The following PTPN4 variants were observed in gnomAD, a reference collection of about 807,000 sequenced individuals.
PTPN4 encodes the protein protein tyrosine phosphatase non-receptor type 4.
Under a neutral mutation model 135.5 loss-of-function variants are expected in PTPN4, and 49 were observed. That is an observed-to-expected ratio of 0.36 (90% CI 0.29 to 0.46). The LOEUF (loss-of-function observed/expected upper bound fraction) is 0.46. PTPN4 is among the 20% of genes least tolerant of loss of function. The pLI is 1.00. For synonymous variants in PTPN4, 333 were observed against 369.9 expected (o/e 0.90, Z 1.14); for missense variants, 860 against 1,101.0 (o/e 0.78, Z 3.10).
intron 2 of PTPN4, among the ~76,000 whole-genome samples, chr2:119,813,056 C>T (rs578110674): frequency 6.6e-6 from 1 of 152,268 alleles, no homozygotes; most frequent in South Asian, 2.1e-4. Flanking sequence ...TTCACACACA[C>T]ACACAAAAGG....
chr2:119,966,386 G>C (rs1304902532), intron 25 of PTPN4, among the ~76,000 whole-genome samples: 1 of 152,102 alleles, frequency 6.6e-6, no homozygotes, highest in African/African-American at 2.4e-5. Context: ...AGCCCCCGGA[G>C]TAGCTAGAGG....
chr2:119,936,679 A>G (rs888177304), intron 15 of PTPN4, among the ~76,000 whole-genome samples: 1 of 152,218 alleles, frequency 6.6e-6, no homozygotes, highest in Non-Finnish European at 1.5e-5. Flanking sequence ...TCTTCATAGC[A>G]GCATGAGAAT....
chr2:119,911,212 A>G (rs1678566579), intron 10 of PTPN4, among the ~76,000 whole-genome samples: 1 of 152,120 alleles, frequency 6.6e-6, no homozygotes, highest in Admixed American at 6.6e-5. Flanking sequence ...AAGGAAAGAA[A>G]ACTGCAGTTA....
intron 1 of PTPN4, among the ~76,000 whole-genome samples, chr2:119,775,886 G>C (rs1278342143): frequency 6.6e-6 from 1 of 151,978 alleles, no homozygotes; most frequent in African/African-American, 2.4e-5. Context: ...AAGGGTTTCA[G>C]GTATACATCT....
intron 24 of PTPN4, among the ~76,000 whole-genome samples, chr2:119,964,402 GAATT>G (rs1469591191): frequency 1.3e-5 from 2 of 152,256 alleles, no homozygotes; most frequent in African/African-American, 2.4e-5. Context: ...TCTCCAAAAA[GAATT>G]AATCCCACTG....
chr2:119,845,038 G>GT (rs1677467934), intron 2 of PTPN4, among the ~76,000 whole-genome samples: 1 of 149,528 alleles, frequency 6.7e-6, no homozygotes, highest in Non-Finnish European at 1.5e-5. Context: ...ATCACTCGCG[G>GT]TTAGGGGCTG....
intron 1 of PTPN4, among the ~76,000 whole-genome samples, chr2:119,767,462 G>A (rs1267410584): frequency 6.6e-5 from 10 of 152,262 alleles, no homozygotes; most frequent in African/African-American, 2.2e-4. Flanking sequence ...GGAAATCAAC[G>A]TTGATATAAC....
At chr2:119,805,093 A>C (rs1352373377) in intron 1 of PTPN4, among the ~76,000 whole-genome samples, 2 of 152,050 alleles carry the variant, frequency 1.3e-5, no homozygotes, top group African/African-American at 4.8e-5. Flanking sequence ...TTTTTTGAGA[A>C]GTGTCTGTTC....
chr2:119,889,406 A>C (rs112943768), intron 9 of PTPN4, among the ~76,000 whole-genome samples: 48,689 of 151,930 alleles, frequency 0.32, 8,034 homozygotes, highest in African/African-American at 0.38. Flanking sequence ...GGCGACAGAG[A>C]GAGACTCTGT....
At chr2:119,805,220 T>C (rs1267740990) in intron 1 of PTPN4, among the ~76,000 whole-genome samples, 1 of 152,220 alleles carries the variant, frequency 6.6e-6, no homozygotes, top group East Asian at 1.9e-4. Flanking sequence ...AAAAATTTTC[T>C]CCTGTTTTGT....
At chr2:119,827,631 A>G (rs1677164285) in intron 2 of PTPN4, among the ~76,000 whole-genome samples, 1 of 152,192 alleles carries the variant, frequency 6.6e-6, no homozygotes, top group African/African-American at 2.4e-5. Flanking sequence ...TGAAACTATC[A>G]CTGGATCGAG....
intron 18 of PTPN4, among the ~76,000 whole-genome samples, chr2:119,949,271 G>C (rs184578164): frequency 6.6e-6 from 1 of 152,192 alleles, no homozygotes; most frequent in Admixed American, 6.5e-5. Context: ...TAAAACAATA[G>C]GAATTTATTA....
chr2:119,845,565 G>A (rs566574980), intron 2 of PTPN4, among the ~76,000 whole-genome samples: 1 of 151,892 alleles, frequency 6.6e-6, no homozygotes, highest in Admixed American at 6.6e-5. Flanking sequence ...CAGTATTAAT[G>A]TACCTTCTTT....
intron 1 of PTPN4, among the ~76,000 whole-genome samples, chr2:119,774,516 T>C (rs2104923153): frequency 6.6e-6 from 1 of 152,342 alleles, no homozygotes; most frequent in Non-Finnish European, 1.5e-5. Context: ...GGATTGCTAT[T>C]AGAAAGGCAC....
chr2:119,925,968 C>T (rs1033472073), intron 12 of PTPN4, among the ~76,000 whole-genome samples: 12 of 152,020 alleles, frequency 7.9e-5, no homozygotes, highest in Non-Finnish European at 2.9e-5. Context: ...CTCATTTTTC[C>T]GTTAAAATCT....
rs77641993 is a variant in PTPN4 at position 119,765,080 on chromosome 2, T to A, written c.-18+4696T>A. Among the ~76,000 whole-genome samples the A allele has an allele frequency of 4.0e-3, 612 of 152,264 alleles. 11 individuals carry two copies. Among genetic ancestry groups the A allele is most frequent in the Non-Finnish European group, 3.4e-3 (233 of 68,028 alleles). ...GTGTGGAATCTAGCGTCAAAAGCCTTGGGCAAAGTGTCTCATTTCTGAGTC... is the reference window on the plus strand; with the variant it reads ...GTGTGGAATCTAGCGTCAAAAGCCTAGGGCAAAGTGTCTCATTTCTGAGTC... On this transcript the variant is annotated intron_variant, in intron 1 of 26. Coordinates refer to ENST00000263708, the MANE Select transcript of PTPN4 (RefSeq NM_002830.4).
chr2:119,855,556 A>G (rs1401994666), intron 2 of PTPN4, among the ~76,000 whole-genome samples: 1 of 152,206 alleles, frequency 6.6e-6, no homozygotes, highest in Non-Finnish European at 1.5e-5. Flanking sequence ...TCTTTAGGAT[A>G]GTCATTTACG....
intron 12 of PTPN4, among the ~76,000 whole-genome samples, chr2:119,923,856 G>A (rs981761185): frequency 2.0e-5 from 3 of 152,012 alleles, no homozygotes; most frequent in African/African-American, 7.2e-5. Flanking sequence ...AAAAAAATGA[G>A]GCTGGGCACG....
At chr2:119,793,737 G>T (rs1691195831) in intron 1 of PTPN4, among the ~76,000 whole-genome samples, 1 of 151,722 alleles carries the variant, frequency 6.6e-6, no homozygotes, top group South Asian at 2.1e-4. Context: ...GCTTCAGCAG[G>T]TCCCTCTGTT....
Sources: gnomAD v4.1 joint callset for allele counts (sites outside exome capture counted in the v4.1 genomes callset) on GRCh38, gnomAD v4.1.1 for gene constraint, MANE v1.5 for transcripts, NCBI Gene and HGNC (gene_info 2026-07-23, HGNC 2026-07-21) for gene names.